Variants in SLC14A2 observed in about 807,000 individuals in gnomAD.
SLC14A2 encodes the protein solute carrier family 14 member 2.
In SLC14A2, 91 loss-of-function variants were observed where a neutral mutation model predicts 104.6. The observed-to-expected ratio is 0.87, with a 90% CI of 0.73 to 1.04. The LOEUF (loss-of-function observed/expected upper bound fraction) is 1.04, where lower values mean the gene tolerates loss of function less well. Ranked by LOEUF, SLC14A2 falls within the 50% of genes least tolerant of loss-of-function variation. The pLI is 0.00. For missense variants in SLC14A2, 1,189 were observed against 1,156.0 expected (o/e 1.03, Z -0.41); for synonymous variants, 476 against 466.4 (o/e 1.02, Z -0.27).
chr18:45,517,404 C>T lies in SLC14A2; in HGVS notation c.-35+34082C>T, dbSNP rs531405369. 1.4e-3 allele frequency among the ~76,000 whole-genome samples: 210 copies of T among 152,312 alleles called. 4 individuals carry two copies. Among genetic ancestry groups the T allele is most frequent in the South Asian group, 7.5e-3 (36 of 4,816 alleles). On this transcript the variant is annotated intron_variant, in intron 2 of 20. Coordinates refer to the SLC14A2 transcript ENST00000586448. ...CCCCCCTCCCAATAGATAATTACGCCTCTAGGTCTCCAAAGCAAGCCCTGT... is the reference window on the plus strand; with the variant it reads ...CCCCCCTCCCAATAGATAATTACGCTTCTAGGTCTCCAAAGCAAGCCCTGT...
chr18:45,211,740 T>C (rs568472784), upstream of SLC14A2, among the ~76,000 whole-genome samples: 1 of 152,240 alleles, frequency 6.6e-6, no homozygotes, highest in African/African-American at 2.4e-5. Context: ...CTTTAGTCTG[T>C]CAAAACACAA....
At chr18:45,250,002 A>G (rs981518537) in intron 1 of SLC14A2, among the ~76,000 whole-genome samples, 7 of 152,188 alleles carry the variant, frequency 4.6e-5, no homozygotes, top group African/African-American at 9.7e-5. Context: ...TCATTGACTA[A>G]ATTATCAACC....
chr18:45,634,513 A>C (rs2144533931), intron 5 of SLC14A2, among the ~76,000 whole-genome samples: 1 of 152,354 alleles, frequency 6.6e-6, no homozygotes, highest in Admixed American at 6.5e-5. Context: ...CTGTCGCCTA[A>C]ATGATAAGAA....
At chr18:45,435,679 GA>G (rs138610494) in intron 1 of SLC14A2, among the ~76,000 whole-genome samples, 2,252 of 152,268 alleles carry the variant, frequency 0.015, 30 homozygotes, top group South Asian at 0.042. Context: ...GATTAATAGA[GA>G]AAGAGCAATC....
chr18:45,582,746 C>T (rs1429817063), intron 2 of SLC14A2, among the ~76,000 whole-genome samples: 1 of 152,162 alleles, frequency 6.6e-6, no homozygotes, highest in East Asian at 1.9e-4. Context: ...GCTGGCTCTT[C>T]CCTGTCATTC....
intron 1 of SLC14A2, among the ~76,000 whole-genome samples, chr18:45,267,258 G>A (rs2084601377): frequency 6.6e-6 from 1 of 152,106 alleles, no homozygotes; most frequent in Admixed American, 6.5e-5. Context: ...GCAGCTGATA[G>A]GAGATGGAGC....
chr18:45,629,649 A>G (rs2045314536), intron 4 of SLC14A2, among the ~76,000 whole-genome samples: 1 of 152,114 alleles, frequency 6.6e-6, no homozygotes, highest in African/African-American at 2.4e-5. Context: ...CCCTGCGCTG[A>G]CACTCTGATT....
At chr18:45,342,203 T>A (rs2085403018) in intron 1 of SLC14A2, among the ~76,000 whole-genome samples, 1 of 152,194 alleles carries the variant, frequency 6.6e-6, no homozygotes, top group Non-Finnish European at 1.5e-5. Flanking sequence ...CTGTGAATAA[T>A]GATAATCAAC....
At chr18:45,457,544 C>A (rs1194724899) in intron 1 of SLC14A2, among the ~76,000 whole-genome samples, 1 of 152,116 alleles carries the variant, frequency 6.6e-6, no homozygotes, top group Non-Finnish European at 1.5e-5. Context: ...GCAGTTGGGC[C>A]ACATTTCTCA....
chr18:45,539,078 A>G (rs1449376474), intron 2 of SLC14A2, among the ~76,000 whole-genome samples: 1 of 151,506 alleles, frequency 6.6e-6, no homozygotes, highest in African/African-American at 2.4e-5. Flanking sequence ...GCAGTCAAGT[A>G]AAAAAATAAC....
chr18:45,539,814 A>C (rs1052307103), intron 2 of SLC14A2, among the ~76,000 whole-genome samples: 13 of 152,110 alleles, frequency 8.5e-5, no homozygotes, highest in Non-Finnish European at 1.8e-4. Flanking sequence ...GGTAATAAAT[A>C]ACATGAAATG....
intron 2 of SLC14A2, among the ~76,000 whole-genome samples, chr18:45,594,485 T>C (rs1439792893): frequency 1.3e-5 from 2 of 152,188 alleles, no homozygotes. Flanking sequence ...TTCATTTGAC[T>C]GTTAGGATTG....
chr18:45,348,913 T>C (rs1449986096), intron 1 of SLC14A2, among the ~76,000 whole-genome samples: 1 of 152,194 alleles, frequency 6.6e-6, no homozygotes, highest in Non-Finnish European at 1.5e-5. Flanking sequence ...TGGCTAGTCA[T>C]AGAAAGACTT....
intron 1 of SLC14A2, among the ~76,000 whole-genome samples, chr18:45,313,834 G>A (rs1375858147): frequency 6.6e-6 from 1 of 152,182 alleles, no homozygotes; most frequent in Non-Finnish European, 1.5e-5. Flanking sequence ...TGTGTAATCA[G>A]ATATTTCTGT....
chr18:45,338,911 C>T (rs867735049), intron 1 of SLC14A2, among the ~76,000 whole-genome samples: 1 of 151,356 alleles, frequency 6.6e-6, no homozygotes, highest in Non-Finnish European at 1.5e-5. Flanking sequence ...AAAGTGACAA[C>T]AAAATTGCTC....
chr18:45,456,916 T>C (rs1469901922), intron 1 of SLC14A2, among the ~76,000 whole-genome samples: 2 of 152,100 alleles, frequency 1.3e-5, no homozygotes, highest in Admixed American at 6.5e-5. Context: ...TTGGGAAGCA[T>C]GAGGAAATGC....
chr18:45,268,875 G>A (rs1178686048), intron 1 of SLC14A2, among the ~76,000 whole-genome samples: 1 of 152,082 alleles, frequency 6.6e-6, no homozygotes, highest in Non-Finnish European at 1.5e-5. Context: ...CAAAGGTGGA[G>A]GAATTGAAGT....
intron 1 of SLC14A2, among the ~76,000 whole-genome samples, chr18:45,375,678 C>T (rs972376031): frequency 2.6e-5 from 4 of 152,286 alleles, no homozygotes; most frequent in East Asian, 3.9e-4. Context: ...TCTAAGCAGC[C>T]GGCAAGGTGA....
chr18:45,317,193 T>C (rs1392305727), intron 1 of SLC14A2, among the ~76,000 whole-genome samples: 1 of 152,252 alleles, frequency 6.6e-6, no homozygotes, highest in East Asian at 1.9e-4. Context: ...CACTGTAAGA[T>C]ACACATCCCC....
Sources: gnomAD v4.1 joint callset for allele counts (sites outside exome capture counted in the v4.1 genomes callset) on GRCh38, gnomAD v4.1.1 for gene constraint, MANE v1.5 for transcripts, NCBI Gene and HGNC (gene_info 2026-07-23, HGNC 2026-07-21) for gene names.